The following PPIL2 variants were observed in gnomAD, a reference collection of about 807,000 sequenced individuals.
PPIL2 encodes the protein peptidylprolyl isomerase like 2, also known as RING-type E3 ubiquitin-protein ligase PPIL2.
A neutral mutation model predicts 75.2 loss-of-function variants in PPIL2; 50 were observed. The ratio of observed to expected loss-of-function variants is 0.66; its 90% confidence interval spans 0.53 to 0.84. PPIL2 has a LOEUF of 0.84. Among genes scored for constraint, PPIL2 ranks in the 40% least tolerant of loss-of-function variants. The pLI is 0.00. For missense variants in PPIL2, 590 were observed against 685.0 expected, an observed-to-expected ratio of 0.86 and a Z score of 1.55; for synonymous variants, 245 against 258.8, an observed-to-expected ratio of 0.95 and a Z score of 0.51.
Position 21,696,067 on chromosome 22 carries a change from C to A in PPIL2, c.*577C>A. On this transcript the variant is annotated 3_prime_UTR_variant, in exon 20 of 20. Coordinates refer to ENST00000398831, the MANE Select transcript of PPIL2 (RefSeq NM_014337.4). ...TTATACAACCAGTGTGGTCCCCTGA[C>A]CAACGCCATTACCTGGGACAAGTTT... The A allele has an allele frequency of 1.2e-6, 1 of 800,344 alleles. No homozygotes were observed. Among genetic ancestry groups the A allele is most frequent in the Non-Finnish European group, 1.5e-6 (1 of 656,952 alleles). 49.6% of individuals were successfully genotyped at this position (800,344 alleles called of 1,614,324 possible). A position where few individuals can be genotyped will look rare whatever the true frequency, so the allele number is the denominator to read the frequency against.
chr22:21,698,328 A>AAAGAC (rs1331102867), downstream of PPIL2: 1 of 152,320 alleles, frequency 6.6e-6, no homozygotes, highest in East Asian at 1.9e-4. Flanking sequence ...TGCCGTCACA[A>AAAGAC]AAGACAGTAC....
At chr22:21,667,407 C>T (rs939241496) in intron 1 of PPIL2, among the ~76,000 whole-genome samples, 12 of 151,994 alleles carry the variant, frequency 7.9e-5, no homozygotes, top group East Asian at 7.7e-4. Flanking sequence ...CCACCTGCCT[C>T]GGCCTCCCAA....
intron 6 of PPIL2, 145 bp from the exon 7 acceptor site, chr22:21,681,154 C>T (rs2067112820): frequency 1.5e-6 from 1 of 666,690 alleles, no homozygotes; most frequent in Non-Finnish European, 2.7e-6. Context: ...CCCCATGGTT[C>T]CCTGCTCTGG....
In PPIL2 at chr22:21,666,144, G is replaced by T. The variant is rs2051329467; in HGVS notation, c.32+13G>T. Reference sequence around the variant, plus strand: ...AAAAGGACAAAATGTAAGTTGAGCCGCAGTCGGGAGCGGCGCTCCACTCTG... The same window carrying T: ...AAAAGGACAAAATGTAAGTTGAGCCTCAGTCGGGAGCGGCGCTCCACTCTG... On this transcript the variant is annotated intron_variant, in intron 1 of 19. Coordinates refer to ENST00000398831, the MANE Select transcript of PPIL2 (RefSeq NM_014337.4). 6 of 1,610,194 alleles carry T rather than the reference G, an allele frequency of 3.7e-6. No homozygotes were observed. The highest frequency in any genetic ancestry group is 5.1e-6 in the Non-Finnish European group (6 of 1,178,004).
At chr22:21,684,467 A>AAG (rs1555897445) in intron 9 of PPIL2, among the ~76,000 whole-genome samples, 2 of 149,372 alleles carry the variant, frequency 1.3e-5, no homozygotes, top group African/African-American at 5.0e-5. Flanking sequence ...AAAAAAAAAA[A>AAG]AAAAAAAAGA....
rs2066361576 is a variant in PPIL2 at position 21,666,084 on chromosome 22, C to T, written c.-16C>T. ...GTTGTTTTTTCGTGCTCGCTAGTCG[C>T]CGCCGCCGCTCCGCCATGGGGAAGC... On this transcript the variant is annotated 5_prime_UTR_variant, in exon 1 of 20. Transcript: ENST00000398831. The T allele has an allele frequency of 1.9e-6, 3 of 1,610,816 alleles. No homozygotes were observed. Among genetic ancestry groups the T allele is most frequent in the South Asian group, 2.2e-5 (2 of 90,872 alleles).
intron 1 of PPIL2, among the ~76,000 whole-genome samples, chr22:21,668,802 C>T (rs1462142356): frequency 6.7e-6 from 1 of 148,554 alleles, no homozygotes; most frequent in East Asian, 2.1e-4. Flanking sequence ...AGCTCCGCCT[C>T]CCGGGTTCAT....
At chr22:21,672,427 C>T (rs2066670660) in intron 5 of PPIL2, 46 bp downstream of exon 5, 1 of 1,525,632 alleles carries the variant, frequency 6.6e-7, no homozygotes, top group East Asian at 2.2e-5. Context: ...GAATGCTATC[C>T]TCTCACTTCT....
At chr22:21,677,614 G>T (rs1269118063) in intron 6 of PPIL2, among the ~76,000 whole-genome samples, 4 of 152,228 alleles carry the variant, frequency 2.6e-5, no homozygotes, top group African/African-American at 9.6e-5. Context: ...GGAGAATCAC[G>T]CAGGGAGGTT....
chr22:21,694,619 C>T lies in PPIL2; in HGVS notation c.1223C>T (p.Thr408Ile). The T allele has an allele frequency of 6.2e-7, 1 of 1,614,152 alleles. No individual in the cohort carries two copies. Residue 408 changes from threonine (T) to isoleucine (I), a missense_variant, in exon 17 of 20, where the codon ACA becomes ATA. Transcript: ENST00000398831. ...GRVVGGFDVL[T>I]AMENVESDPK... ...GTTGTTGGGGGCTTTGACGTACTGACAGCCATGGAGAATGTGGAGAGTGAC... is the reference window on the plus strand; with the variant it reads ...GTTGTTGGGGGCTTTGACGTACTGATAGCCATGGAGAATGTGGAGAGTGAC...
At chr22:21,667,233 C>T (rs906419615) in intron 1 of PPIL2, among the ~76,000 whole-genome samples, 21 of 149,268 alleles carry the variant, frequency 1.4e-4, no homozygotes, top group Non-Finnish European at 2.8e-4. Flanking sequence ...CTTGGCTCAC[C>T]GCAACCTCCG....
In PPIL2 at chr22:21,697,033, T is replaced by C; in HGVS notation, c.*1543T>C. 3 of 1,528,858 alleles carry C rather than the reference T, an allele frequency of 2.0e-6. No homozygotes were observed. The highest frequency in any genetic ancestry group is 2.0e-5 in the Admixed American group (1 of 50,814). 94.7% of individuals were successfully genotyped at this position (1,528,858 alleles called of 1,614,324 possible). On this transcript the variant is annotated 3_prime_UTR_variant, in exon 20 of 20. Coordinates refer to ENST00000398831, the MANE Select transcript of PPIL2 (RefSeq NM_014337.4). Reference sequence around the variant, plus strand: ...ATCCCTCTGCAGCCTGTCATCCCTGTCTGTGACCATTGGTCGGGCCCCTGG... The same window carrying C: ...ATCCCTCTGCAGCCTGTCATCCCTGCCTGTGACCATTGGTCGGGCCCCTGG...
downstream of PPIL2, chr22:21,698,549 C>G (rs1347599002): frequency 6.6e-6 from 1 of 152,344 alleles, no homozygotes; most frequent in Non-Finnish European, 1.5e-5. Flanking sequence ...TCCCCTAGTC[C>G]CCGGGGCATC....
chr22:21,685,574 A>C (rs396913), intron 10 of PPIL2: 143,898 of 407,078 alleles, frequency 0.35, 26,411 homozygotes, highest in East Asian at 0.45. Context: ...CCAGTGTGTC[A>C]CTCCGTCTAA....
At chr22:21,682,340 G>A (rs1257918516) in intron 7 of PPIL2, 97 bp from the exon 8 acceptor site, 19 of 1,013,400 alleles carry the variant, frequency 1.9e-5, no homozygotes, top group African/African-American at 1.4e-4. Flanking sequence ...CTCTCAAATC[G>A]TGCCATGGTC....
At position 21,666,031 on chromosome 22, in the gene PPIL2, T is replaced by A; in HGVS notation, c.-69T>A. 1 of 1,562,864 alleles carries A rather than the reference T, an allele frequency of 6.4e-7. No individual in the cohort carries two copies. Among genetic ancestry groups the A allele is most frequent in the East Asian group, 2.3e-5 (1 of 43,662 alleles). On this transcript the variant is annotated 5_prime_UTR_variant, in exon 1 of 20. Coordinates refer to ENST00000398831, the MANE Select transcript of PPIL2 (RefSeq NM_014337.4). ...CCCGGAAGTGGTCACGGAACTCGGCTGCGGCTCCATGGTCTGAGTTGTCAG... is the reference window on the plus strand; with the variant it reads ...CCCGGAAGTGGTCACGGAACTCGGCAGCGGCTCCATGGTCTGAGTTGTCAG...
At chr22:21,692,077 CCT>C (rs2067667841) in intron 15 of PPIL2, among the ~76,000 whole-genome samples, 1 of 152,166 alleles carries the variant, frequency 6.6e-6, no homozygotes, top group African/African-American at 2.4e-5. Flanking sequence ...TTCTTTTCAG[CCT>C]CTCTGGCTCT....
intron 6 of PPIL2, among the ~76,000 whole-genome samples, chr22:21,677,454 G>A (rs2066921402): frequency 6.6e-6 from 1 of 152,266 alleles, no homozygotes; most frequent in South Asian, 2.1e-4. Context: ...CGGCACCTCG[G>A]GAGGCCGAGG....
At chr22:21,688,174 G>A (rs1276045062) in intron 14 of PPIL2, 68 bp downstream of exon 14, 1 of 1,587,274 alleles carries the variant, frequency 6.3e-7, no homozygotes, top group African/African-American at 1.3e-5. Context: ...GGGGTAGCTG[G>A]GCAGGGGTTG....
Sources: allele counts gnomAD v4.1 joint callset (sites outside exome capture counted in the v4.1 genomes callset), GRCh38; gene constraint gnomAD v4.1.1; transcripts MANE v1.5; gene names NCBI Gene and HGNC (gene_info 2026-07-23, HGNC 2026-07-21).